GOLGA3: variants seen among roughly 807,000 people sequenced by gnomAD.
The protein encoded by GOLGA3 is golgin subfamily A member 3.
Under a neutral mutation model 169.4 loss-of-function variants are expected in GOLGA3, and 75 were observed. The observed-to-expected ratio is 0.44, with a 90% confidence interval of 0.37 to 0.54. The LOEUF (loss-of-function observed/expected upper bound fraction) is 0.54, where lower values mean the gene tolerates loss of function less well. GOLGA3 is among the 20% of genes least tolerant of loss of function. The pLI is 0.00. For missense variants in GOLGA3, 1,899 were observed against 1,930.0 expected, an observed-to-expected ratio of 0.98 and a Z score of 0.30; for synonymous variants, 824 against 822.4, an observed-to-expected ratio of 1.00 and a Z score of -0.03.
At chr12:132,786,828 C>A in intron 13 of GOLGA3, 41 bp from the exon 14 acceptor site, 2 of 1,340,362 alleles carry the variant, frequency 1.5e-6, no homozygotes, top group Non-Finnish European at 2.1e-6. Flanking sequence ...GCACTGCCAC[C>A]CCCAGCCTGT....
Position 132,804,094 on chromosome 12 carries a change from G to A in GOLGA3, c.1597+622C>T, listed in dbSNP as rs970659535. 1.1e-4 allele frequency among the ~76,000 whole-genome samples: 17 copies of A among 152,208 alleles called. No individual in the cohort carries two copies. The highest frequency in any genetic ancestry group is 2.0e-4 in the Admixed American group (3 of 15,274). ...GCCAAGCCACATGGAAGCCCGCCGC[G>A]GCTTCCGCAATCCACTGCCCTACTT... On this transcript the variant is annotated intron_variant, in intron 7 of 23. Coordinates refer to ENST00000450791, the MANE Select transcript of GOLGA3 (RefSeq NM_001389683.1). This position sits in a 1 kb window ranked among gnomAD's most constrained non-coding sequence, Gnocchi z 4.1.
chr12:132,776,817 A>G, intron 20 of GOLGA3, 61 bp from the exon 21 acceptor site: 1 of 1,595,186 alleles, frequency 6.3e-7, no homozygotes, highest in Non-Finnish European at 8.5e-7. Context: ...GCCCTGGAAA[A>G]TGGCTCTAGC....
chr12:132,786,928 A>G (rs963989770), intron 13 of GOLGA3, 141 bp from the exon 14 acceptor site: 1 of 641,112 alleles, frequency 1.6e-6, no homozygotes, highest in Non-Finnish European at 2.8e-6. Flanking sequence ...AAATCCTGAG[A>G]GAGACGTCTG....
intron 4 of GOLGA3, among the ~76,000 whole-genome samples, chr12:132,810,693 C>T (rs745424858): frequency 9.2e-5 from 14 of 152,164 alleles, no homozygotes; most frequent in East Asian, 1.9e-4. Flanking sequence ...TCTGGGAAGA[C>T]GCCCATTGCC....
chr12:132,774,354 C>A, intron 22 of GOLGA3, 34 bp from the exon 23 acceptor site: 1 of 1,606,180 alleles, frequency 6.2e-7, no homozygotes, highest in East Asian at 2.2e-5. Context: ...GCTTTCCCAC[C>A]GTCCCCTCCC....
chr12:132,786,305 T>C lies in GOLGA3; in HGVS notation c.3123+34A>G, dbSNP rs780151873. The C allele has an allele frequency of 4.9e-6, 7 of 1,442,500 alleles. No homozygotes were observed. The East Asian group carries it at 1.4e-4, about 28-fold the overall frequency. The allele number at this position is 1,442,500 out of a possible 1,614,324, so 89.4% of individuals were successfully genotyped here. ...GCCCTTCCCTGCACTGAGGGGCTGG[T>C]GACCCTGGCCGGGGATGGCACGGTG... On this transcript the variant is annotated intron_variant, in intron 15 of 23. Transcript: ENST00000450791.
chr12:132,812,212 C>CACAT (rs1481853600), intron 4 of GOLGA3, among the ~76,000 whole-genome samples: 1 of 116,220 alleles, frequency 8.6e-6, no homozygotes, highest in African/African-American at 2.8e-5. Flanking sequence ...CACACACACA[C>CACAT]ATATATATAT....
At chr12:132,783,776 C>T (rs1475449514) in intron 16 of GOLGA3, 6 of 537,466 alleles carry the variant, frequency 1.1e-5, no homozygotes, top group Non-Finnish European at 1.4e-5. Context: ...TGGGGTTTCA[C>T]CATGTCGGCC....
rs1555247714 is a variant in GOLGA3, at chr12:132,772,559, A to AAAAAC, written c.*545_*546insGTTTT. On this transcript the variant is annotated 3_prime_UTR_variant, in exon 24 of 24. Transcript: ENST00000450791. ...ACTCTGTCTCAAAAAAAAAAAAAAA[A>AAAAAC]AAAAAACAAAGATTGGATTATGATA... 2.6e-5 allele frequency: 4 copies of AAAAAC among 151,924 alleles called. No homozygotes were observed. The highest frequency in any genetic ancestry group is 5.9e-5 in the Non-Finnish European group (4 of 67,996). The allele number at this position is 151,924 out of a possible 1,614,324, so 9.4% of individuals were successfully genotyped here.
At position 132,796,369 on chromosome 12, in the gene GOLGA3, C is replaced by T. The variant is rs372479537; in HGVS notation, c.2101-149G>A. On this transcript the variant is annotated intron_variant, in intron 10 of 23. Transcript: ENST00000450791. ...TCCTGGTATAGAAGAACCAGCAGGG[C>T]AAACACAGGGTCAGGTCTGCAGCAG... The T allele has an allele frequency of 9.0e-6, 11 of 1,217,468 alleles. No individual in the cohort carries two copies. In the East Asian group the frequency reaches 9.9e-5, roughly 11 times the overall value. The allele number at this position is 1,217,468 out of a possible 1,614,324, so 75.4% of individuals were successfully genotyped here. A position where few individuals can be genotyped will look rare whatever the true frequency, so the allele number is the denominator to read the frequency against.
In GOLGA3 at chr12:132,784,064, C is replaced by A. The variant is rs982150611; in HGVS notation, c.3267+100G>T. 7 of 1,564,092 alleles carry A rather than the reference C, an allele frequency of 4.5e-6. No homozygotes were observed. In the Admixed American group the frequency reaches 1.1e-4, roughly 25 times the overall value. ...ACACCAAAAGTAGCAACGCTGGGCA[C>A]ACGGTGAAGTTTTGTTCTTCGGGTC... On this transcript the variant is annotated intron_variant, in intron 16 of 23. Transcript: ENST00000450791.
intron 4 of GOLGA3, among the ~76,000 whole-genome samples, chr12:132,809,175 G>A (rs1388087703): frequency 2.0e-5 from 3 of 152,192 alleles, no homozygotes; most frequent in South Asian, 2.1e-4. Context: ...GACAGCTTAC[G>A]CCATTATTTC....
intron 20 of GOLGA3, 66 bp downstream of exon 20, chr12:132,776,892 T>G (rs912230279): frequency 2.8e-5 from 44 of 1,545,438 alleles, no homozygotes; most frequent in African/African-American, 4.1e-5. Flanking sequence ...CCAAGCAGGA[T>G]GGAGTGAAGT....
chr12:132,814,354 G>A (rs1430462859), intron 3 of GOLGA3, among the ~76,000 whole-genome samples: 2 of 152,170 alleles, frequency 1.3e-5, no homozygotes, highest in East Asian at 3.9e-4. Flanking sequence ...GAAAGAACTG[G>A]GTTCAAAGCT....
At position 132,795,949 on chromosome 12, in the gene GOLGA3, T is replaced by C. The variant is rs1195442449; in HGVS notation, c.2372A>G (p.Glu791Gly). Residue 791 changes from glutamate to glycine, a missense_variant, in exon 11 of 24, where the codon GAG becomes GGG. By Grantham distance (98) the Glu-to-Gly change is moderately conservative (BLOSUM62 -2). Transcript: ENST00000450791. Reference sequence around the variant, plus strand: ...CAAGCGTCTTGCTCCTCTGTCAAGCTCCTCCTTGCCACTCTTGGCCGCCTG... The same window carrying C: ...CAAGCGTCTTGCTCCTCTGTCAAGCCCCTCCTTGCCACTCTTGGCCGCCTG... Reference protein sequence around the residue: ...ALQAAKSGKEELDRGARRLEE... With the variant: ...ALQAAKSGKEGLDRGARRLEE... 6.2e-7 allele frequency: 1 copy of C among 1,614,112 alleles called. No individual in the cohort carries two copies. The highest frequency in any genetic ancestry group is 2.2e-5 in the East Asian group (1 of 44,888).
At chr12:132,807,853 C>T in intron 5 of GOLGA3, 38 bp downstream of exon 5, 3 of 777,438 alleles carry the variant, frequency 3.9e-6, no homozygotes, top group Non-Finnish European at 5.7e-6. Flanking sequence ...GCCCCACCCA[C>T]CTCCACCCAC....
Position 132,822,173 on chromosome 12 carries a change from GA to G in GOLGA3, c.-46del, listed in dbSNP as rs1164555823. On this transcript the variant is annotated 5_prime_UTR_variant, in exon 2 of 24. An upstream open reading frame in the 5' UTR gains an earlier in-frame stop. Coordinates refer to ENST00000450791, the MANE Select transcript of GOLGA3 (RefSeq NM_001389683.1). ...GAGCTGACGCTGAGGGGCTACAAGT[GA>G]ACCTTGGACAAGCTTGGCTTCTGCC... is the stretch of plus-strand genomic sequence containing the variant. The G allele has an allele frequency of 6.4e-7, 1 of 1,571,582 alleles. No homozygotes were observed. The highest frequency in any genetic ancestry group is 1.2e-5 in the South Asian group (1 of 85,740).
At chr12:132,779,694 A>G (rs988119864) in intron 18 of GOLGA3, among the ~76,000 whole-genome samples, 9 of 152,044 alleles carry the variant, frequency 5.9e-5, no homozygotes, top group Non-Finnish European at 1.2e-4. Context: ...CTACATATAC[A>G]TCAGCATCAA....
At chr12:132,820,967 G>A (rs1262316310) in intron 2 of GOLGA3, among the ~76,000 whole-genome samples, 1 of 151,852 alleles carries the variant, frequency 6.6e-6, no homozygotes, top group African/African-American at 2.4e-5. Flanking sequence ...GGGTGTGGTG[G>A]CAGGTGCCTG....
Sources: gnomAD v4.1 joint callset for allele counts (sites outside exome capture counted in the v4.1 genomes callset) on GRCh38, gnomAD v4.1.1 for gene constraint, Gnocchi (gnomAD v3.1) non-coding constraint, MANE v1.5 for transcripts, NCBI Gene and HGNC (gene_info 2026-07-23, HGNC 2026-07-21) for gene names.